ZC3H4: variants seen among roughly 807,000 people sequenced by gnomAD.
The protein encoded by ZC3H4 is zinc finger CCCH domain-containing protein 4.
A neutral mutation model predicts 108.3 loss-of-function variants in ZC3H4; 13 were observed. That is an observed-to-expected ratio of 0.12 (90% CI 0.08 to 0.19). ZC3H4 has a LOEUF of 0.19. Among genes scored for constraint, ZC3H4 ranks in the 10% least tolerant of loss-of-function variants. The pLI is 1.00. For missense variants in ZC3H4, 1,734 were observed against 1,838.8 expected (o/e 0.94, Z 1.04); for synonymous variants, 917 against 749.6 (o/e 1.22, Z -3.65).
In ZC3H4 at chr19:47,087,376, C is replaced by T. The variant is rs557314459; in HGVS notation, c.716-838G>A. ...TTACACGTTGAAGTAAGATTTTAAA[C>T]ATATTAGGTTGAAAACAGATTATCA... On this transcript the variant is annotated intron_variant, in intron 5 of 14. Transcript: ENST00000253048. Among the ~76,000 whole-genome samples the T allele has an allele frequency of 7.9e-5, 12 of 151,106 alleles. No homozygotes were observed. In the South Asian group the frequency reaches 1.9e-3, roughly 24 times the overall value.
intron 10 of ZC3H4, 36 bp downstream of exon 10, chr19:47,082,148 C>A (rs746843495): frequency 6.4e-7 from 1 of 1,552,720 alleles, no homozygotes; most frequent in Non-Finnish European, 8.9e-7. Context: ...AAGTTCTGCG[C>A]CCTCATTCAG....
intron 1 of ZC3H4, 110 bp from the exon 2 acceptor site, chr19:47,112,699 C>A: frequency 1.6e-6 from 1 of 618,360 alleles, no homozygotes; most frequent in Non-Finnish European, 2.3e-6. Flanking sequence ...TATATTTTTT[C>A]GGTTTCGGAA....
rs2057341478 is a variant in ZC3H4 at position 47,072,130 on chromosome 19, G to A, written c.1803-9C>T. On this transcript the variant is annotated splice_polypyrimidine_tract_variant and intron_variant, in intron 12 of 14. Transcript: ENST00000253048. This position sits in a 1 kb window ranked among gnomAD's most constrained non-coding sequence, Gnocchi z 5.6. ...CACCGGGTCCAGGGAACCTAGAAGA[G>A]GGAAAAGGTGCCTGTGACGGAAGCT... 4.0e-6 allele frequency: 6 copies of A among 1,516,110 alleles called. No individual in the cohort carries two copies. Among genetic ancestry groups the A allele is most frequent in the Non-Finnish European group, 5.3e-6 (6 of 1,135,252 alleles). 93.9% of individuals were successfully genotyped at this position (1,516,110 alleles called of 1,614,324 possible). A position where few individuals can be genotyped will look rare whatever the true frequency, so the allele number is the denominator to read the frequency against.
rs201679707 is a variant in ZC3H4, at chr19:47,066,610, G to A, written c.3658C>T (p.Arg1220Trp). ...TPTDRYNSYN[R>W]PRPKAAAAPA... ...GCTGCAGCAGCCTTGGGCCGGGGCC[G>A]GTTGTAGCTGTTGTATCTGTCCGTG... Residue 1220 changes from arginine to tryptophan, a missense_variant, in exon 15 of 15, where the codon CGG becomes TGG. Physicochemically the swap from Arg to Trp is moderately radical, Grantham distance 101. Around this residue, in one of 9 missense-constraint regions of ZC3H4, gnomAD observed 518 missense variants for 499.6 expected, o/e 1.04. Coordinates refer to ENST00000253048, the MANE Select transcript of ZC3H4 (RefSeq NM_015168.2). 2.6e-5 allele frequency: 42 copies of A among 1,608,094 alleles called. No homozygotes were observed. Among genetic ancestry groups the A allele is most frequent in the East Asian group, 6.7e-5 (3 of 44,742 alleles).
At chr19:47,094,777 C>A (rs946823077) in intron 2 of ZC3H4, among the ~76,000 whole-genome samples, 169 bp from the exon 3 acceptor site, 10 of 152,280 alleles carry the variant, frequency 6.6e-5, no homozygotes, top group African/African-American at 2.4e-4. Flanking sequence ...TTATCCTCCC[C>A]CTGAAAGAAC....
At chr19:47,089,119 T>C (rs1000159918) in intron 5 of ZC3H4, among the ~76,000 whole-genome samples, 9 of 148,476 alleles carry the variant, frequency 6.1e-5, no homozygotes, top group East Asian at 2.0e-4. Flanking sequence ...GGCAGAAGAA[T>C]TGCTTGAACC....
rs2057219546 is a variant in ZC3H4, at chr19:47,067,029, G to C, written c.3239C>G (p.Pro1080Arg). 3 of 1,601,162 alleles carry C rather than the reference G, an allele frequency of 1.9e-6. No homozygotes were observed. The highest frequency in any genetic ancestry group is 2.6e-6 in the Non-Finnish European group (3 of 1,173,566). The change falls in exon 15 of 15, where the codon CCT becomes CGT. Residue 1080 changes from proline to arginine, a missense_variant. This residue lies in a region of ZC3H4 where 518 missense variants were observed against 499.6 expected (regional missense o/e 1.04). Transcript: ENST00000253048. This position sits in a 1 kb window ranked among gnomAD's most constrained non-coding sequence, Gnocchi z 6.4. ...AGAGTCTGTGGGTTTCTGCAGCCGAGGGTCGGTGGGGGCCTTCCGCACCCG... is the reference window on the plus strand; with the variant it reads ...AGAGTCTGTGGGTTTCTGCAGCCGACGGTCGGTGGGGGCCTTCCGCACCCG... The part of the protein sequence containing the change: ...DPRVRKAPTD[P>R]RLQKPTDSTA...
At chr19:47,094,933 G>A (rs1043534225) in intron 2 of ZC3H4, among the ~76,000 whole-genome samples, 1 of 152,240 alleles carries the variant, frequency 6.6e-6, no homozygotes, top group Non-Finnish European at 1.5e-5. Flanking sequence ...GGTCACATAA[G>A]CAGGAAGAGC....
At chr19:47,070,645 A>T (rs2057310311) in intron 13 of ZC3H4, among the ~76,000 whole-genome samples, 1 of 151,834 alleles carries the variant, frequency 6.6e-6, no homozygotes, top group African/African-American at 2.4e-5. Context: ...ACCCACTCTC[A>T]CCCAAGTACC....
At chr19:47,104,709 C>T (rs115376721) in intron 2 of ZC3H4, among the ~76,000 whole-genome samples, 7 of 152,368 alleles carry the variant, frequency 4.6e-5, no homozygotes, top group African/African-American at 1.4e-4. Flanking sequence ...GCAGCCCACC[C>T]GTGTGGCCCA....
At chr19:47,074,282 C>A (rs1457002978) in intron 11 of ZC3H4, among the ~76,000 whole-genome samples, 1 of 152,178 alleles carries the variant, frequency 6.6e-6, no homozygotes, top group African/African-American at 2.4e-5. Context: ...ACTGCCTATG[C>A]CTTGTCGGAT....
rs1474499341 is a variant in ZC3H4, at chr19:47,112,319, C to T, written c.161+105G>A. On this transcript the variant is annotated intron_variant, in intron 2 of 14. Coordinates refer to ENST00000253048, the MANE Select transcript of ZC3H4 (RefSeq NM_015168.2). ...CCCCGCCCTTCCTCCTCCTCCTCCT[C>T]CTCCTCCTCCTCCGCGGCCCGGCCC... 1.3e-5 allele frequency: 15 copies of T among 1,160,650 alleles called. No individual in the cohort carries two copies. The African/African-American group carries it at 2.1e-4, about 16-fold the overall frequency. The allele number at this position is 1,160,650 out of a possible 1,614,324, so 71.9% of individuals were successfully genotyped here. A position where few individuals can be genotyped will look rare whatever the true frequency, so the allele number is the denominator to read the frequency against.
In ZC3H4 at chr19:47,112,248, A is replaced by G. The variant is rs2058049522; in HGVS notation, c.161+176T>C. 6.9e-6 allele frequency: 8 copies of G among 1,154,612 alleles called. No individual in the cohort carries two copies. The South Asian group carries it at 3.0e-4, about 44-fold the overall frequency. The allele number at this position is 1,154,612 out of a possible 1,614,324, so 71.5% of individuals were successfully genotyped here. On this transcript the variant is annotated intron_variant, in intron 2 of 14. Transcript: ENST00000253048. ...AACGCATGAGGCCGGGAGAGAAAGC[A>G]AGCGAGAAAGAGCGAGCGAGCAAGC...
At chr19:47,096,107 G>A (rs191226263) in intron 2 of ZC3H4, among the ~76,000 whole-genome samples, 51 of 152,280 alleles carry the variant, frequency 3.3e-4, no homozygotes, top group South Asian at 6.2e-4. Context: ...ATCAAGGAGC[G>A]CCTCAAGAGC....
intron 2 of ZC3H4, among the ~76,000 whole-genome samples, chr19:47,104,366 C>T (rs1402773551): frequency 6.6e-6 from 1 of 152,068 alleles, no homozygotes; most frequent in Non-Finnish European, 1.5e-5. Context: ...ACAACCTATT[C>T]GTTAATTTCT....
rs2057249368 is a variant in ZC3H4, at chr19:47,067,956, G to A, written c.2399-87C>T. On this transcript the variant is annotated intron_variant, in intron 14 of 14. Coordinates refer to ENST00000253048, the MANE Select transcript of ZC3H4 (RefSeq NM_015168.2). This position sits in a 1 kb window ranked among gnomAD's most constrained non-coding sequence, Gnocchi z 6.4. ...ATCCCACAGCAGCCCACCGTGAGCAGCTCCTTTGCTTGTGCCTCTCAGAAC... is the reference window on the plus strand; with the variant it reads ...ATCCCACAGCAGCCCACCGTGAGCAACTCCTTTGCTTGTGCCTCTCAGAAC... The A allele has an allele frequency of 9.1e-6, 12 of 1,311,570 alleles. No homozygotes were observed. The highest frequency in any genetic ancestry group is 1.3e-5 in the Non-Finnish European group (12 of 950,558). The allele number at this position is 1,311,570 out of a possible 1,614,324, so 81.2% of individuals were successfully genotyped here.
At chr19:47,074,012 T>C (rs1035495668) in intron 11 of ZC3H4, among the ~76,000 whole-genome samples, 1 of 152,120 alleles carries the variant, frequency 6.6e-6, no homozygotes, top group African/African-American at 2.4e-5. Context: ...TGGGGACGAC[T>C]GGGTAGCTTC....
intron 4 of ZC3H4, chr19:47,093,743 G>T: frequency 2.3e-6 from 1 of 442,228 alleles, no homozygotes; most frequent in Non-Finnish European, 4.1e-6. Flanking sequence ...AGGCATGCCT[G>T]GTTAATTTTT....
rs117762814 is a variant in ZC3H4, at chr19:47,096,990, G to A, written c.162-2382C>T. ...CTCCTTCCCTGTCCTGATGCCACTC[G>A]CTGGCTCGGACGAAGGTACAGGCTA... is the stretch of plus-strand genomic sequence containing the variant. On this transcript the variant is annotated intron_variant, in intron 2 of 14. Transcript: ENST00000253048. 2.7e-4 allele frequency: 269 copies of A among 985,354 alleles called. 5 individuals are homozygous for A. In the East Asian group the frequency reaches 0.026, roughly 94 times the overall value. The allele number at this position is 985,354 out of a possible 1,614,324, so 61.0% of individuals were successfully genotyped here.
Sources: allele counts gnomAD v4.1 joint callset (sites outside exome capture counted in the v4.1 genomes callset), GRCh38; gene constraint gnomAD v4.1.1; regional missense constraint gnomAD v4.1.1; non-coding constraint Gnocchi (gnomAD v3.1); transcripts MANE v1.5; gene names NCBI Gene and HGNC (gene_info 2026-07-23, HGNC 2026-07-21).